The following ZNF441 variants were observed in gnomAD, a reference collection of about 807,000 sequenced individuals.
ZNF441 encodes zinc finger protein 441.
ZNF441 carries 25 observed loss-of-function variants against 64.5 expected under a neutral mutation model. The observed-to-expected ratio is 0.39, with a 90% CI of 0.28 to 0.54. ZNF441 has a LOEUF of 0.54. Ranked by LOEUF, ZNF441 falls within the 20% of genes least tolerant of loss-of-function variation. The probability of loss-of-function intolerance (pLI) is 0.70; values close to 1 mark genes in which losing one functional copy is unlikely to be tolerated. For missense variants in ZNF441, 715 were observed against 843.3 expected (o/e 0.85, Z 1.88); for synonymous variants, 262 against 268.0 (o/e 0.98, Z 0.22).
At chr19:11,768,164 C>T (rs1568478955) in intron 1 of ZNF441, among the ~76,000 whole-genome samples, 2 of 152,082 alleles carry the variant, frequency 1.3e-5, no homozygotes, top group African/African-American at 2.4e-5. Context: ...CTCCTAGGGC[C>T]GACAGAAAAT....
intron 2 of ZNF441, 24 bp from the exon 3 acceptor site, chr19:11,778,306 C>A: frequency 2.1e-6 from 3 of 1,443,372 alleles, no homozygotes; most frequent in South Asian, 2.6e-5. Context: ...AATTTATAGT[C>A]ATTTTTCTGG....
In ZNF441 at chr19:11,780,607, C is replaced by T. The variant is rs1439659883; in HGVS notation, c.783C>T (p.Phe261=). The T allele has an allele frequency of 1.2e-6, 2 of 1,613,858 alleles. No individual in the cohort carries two copies. The highest frequency in any genetic ancestry group is 2.7e-5 in the African/African-American group (2 of 74,878). ...AATGTAAACAATGTGGGAAAGCCTT[C>T]AGTTGTTCCTGTTACACTCAACTAT... ...PYQCKQCGKA[F]SCSCYTQLYE... is the part of the protein sequence containing the mutation. Residue 261 remains phenylalanine, a synonymous_variant, in exon 4 of 4, where the codon TTC becomes TTT. Transcript: ENST00000357901.
Position 11,781,875 on chromosome 19 carries a change from G to C in ZNF441, c.2051G>C (p.Ser684Thr). ...TGTGGGGAAGCATTTCATTGTATCA[G>C]TTCCTTTCATAAACATGAAATGACT... ...KECGEAFHCI[S>T]SFHKHEMTH Residue 684 changes from serine to threonine, a missense_variant, in exon 4 of 4, where the codon AGT becomes ACT. Ser to Thr is a moderately conservative substitution (Grantham distance 58). Coordinates refer to ENST00000357901, the MANE Select transcript of ZNF441 (RefSeq NM_152355.3). 1 of 1,598,028 alleles carries C rather than the reference G, an allele frequency of 6.3e-7. No homozygotes were observed. The highest frequency in any genetic ancestry group is 1.3e-5 in the African/African-American group (1 of 74,250).
intron 3 of ZNF441, among the ~76,000 whole-genome samples, 178 bp from the exon 4 acceptor site, chr19:11,779,841 G>T (rs1396198424): frequency 6.6e-6 from 1 of 151,832 alleles, no homozygotes; most frequent in African/African-American, 2.4e-5. Context: ...AGTCCGGGAG[G>T]TGGAGGTTGC....
At chr19:11,777,835 T>C (rs1975367360) in intron 2 of ZNF441, 98 bp downstream of exon 2, 13 of 1,458,956 alleles carry the variant, frequency 8.9e-6, no homozygotes, top group Middle Eastern at 2.0e-4. Context: ...GGGTATATAA[T>C]TGGCCCTTGA....
intron 1 of ZNF441, among the ~76,000 whole-genome samples, chr19:11,775,683 A>G (rs1164266961): frequency 1.5e-5 from 2 of 137,030 alleles, no homozygotes; most frequent in South Asian, 2.3e-4. Flanking sequence ...GCTGGAGTGC[A>G]GTGGCTCAAT....
At chr19:11,772,135 C>T (rs1474792767) in intron 1 of ZNF441, among the ~76,000 whole-genome samples, 4 of 152,212 alleles carry the variant, frequency 2.6e-5, no homozygotes, top group Non-Finnish European at 4.4e-5. Context: ...GAAGGGCCCC[C>T]GTCCAGTGGA....
At position 11,783,965 on chromosome 19, in the gene ZNF441, T is replaced by C. The variant is rs969822353; in HGVS notation, c.*2059T>C. ...TACTCAAGATCATGGATACCCCAAA[T>C]ACGCTGACTTGACCATTACACATTC... On this transcript the variant is annotated 3_prime_UTR_variant, in exon 4 of 4. Transcript: ENST00000357901. 6.6e-6 allele frequency: 1 copy of C among 152,210 alleles called. No homozygotes were observed. Among genetic ancestry groups the C allele is most frequent in the Non-Finnish European group, 1.5e-5 (1 of 68,034 alleles). 9.4% of individuals were successfully genotyped at this position (152,210 alleles called of 1,614,324 possible). A position where few individuals can be genotyped will look rare whatever the true frequency, so the allele number is the denominator to read the frequency against.
Position 11,783,542 on chromosome 19 carries a change from A to G in ZNF441, c.*1636A>G, listed in dbSNP as rs1462587294. On this transcript the variant is annotated 3_prime_UTR_variant, in exon 4 of 4. Coordinates refer to ENST00000357901, the MANE Select transcript of ZNF441 (RefSeq NM_152355.3). Reference sequence around the variant, plus strand: ...TTAACCTAAGCATCCATCAGTGGACACAGGGATAAAGAAAATGTTTATGTA... The same window carrying G: ...TTAACCTAAGCATCCATCAGTGGACGCAGGGATAAAGAAAATGTTTATGTA... The G allele has an allele frequency of 1.3e-5, 2 of 152,228 alleles. No individual in the cohort carries two copies. Among genetic ancestry groups the G allele is most frequent in the Non-Finnish European group, 2.9e-5 (2 of 68,038 alleles). 9.4% of individuals were successfully genotyped at this position (152,228 alleles called of 1,614,324 possible).
chr19:11,778,036 G>T, intron 2 of ZNF441: 1 of 403,980 alleles, frequency 2.5e-6, no homozygotes, highest in Non-Finnish European at 4.4e-6. Flanking sequence ...GGAAACCATA[G>T]GTAAGTGGAA....
At chr19:11,779,872 C>T (rs1025552306) in intron 3 of ZNF441, 147 bp from the exon 4 acceptor site, 1 of 702,656 alleles carries the variant, frequency 1.4e-6, no homozygotes, top group South Asian at 2.0e-5. Flanking sequence ...GATCACACCA[C>T]TACACTCCAG....
chr19:11,779,944 A>G, intron 3 of ZNF441, 75 bp from the exon 4 acceptor site: 8 of 1,247,018 alleles, frequency 6.4e-6, no homozygotes, highest in Non-Finnish European at 7.8e-6. Context: ...AAGAAAAGAA[A>G]TGTAAATCCA....
At position 11,781,146 on chromosome 19, in the gene ZNF441, A is replaced by C; in HGVS notation, c.1322A>C (p.His441Pro). Reference protein sequence around the residue: ...CTYLQIHERIHTGERPYKCKQ... With the variant: ...CTYLQIHERIPTGERPYKCKQ... The stretch of plus-strand genomic sequence containing the variant: ...TACCTTCAAATACATGAAAGAATTC[A>C]CACTGGGGAGAGACCCTATAAATGT... The change falls in exon 4 of 4, where the codon CAC (histidine) becomes CCC (proline). Residue 441 changes from histidine to proline, a missense_variant. Transcript: ENST00000357901. The C allele has an allele frequency of 1.2e-6, 2 of 1,614,102 alleles. No homozygotes were observed. Among genetic ancestry groups the C allele is most frequent in the Non-Finnish European group, 1.7e-6 (2 of 1,180,030 alleles).
At chr19:11,778,049 T>C in intron 2 of ZNF441, 1 of 419,218 alleles carries the variant, frequency 2.4e-6, no homozygotes, top group South Asian at 3.6e-5. Flanking sequence ...AAGTGGAACA[T>C]TATTTAGTAT....
chr19:11,775,881 G>A (rs1435573572), intron 1 of ZNF441, among the ~76,000 whole-genome samples: 1 of 152,036 alleles, frequency 6.6e-6, no homozygotes, highest in Non-Finnish European at 1.5e-5. Context: ...ACCTGCCTCA[G>A]CCTCCCAAAG....
intron 1 of ZNF441, among the ~76,000 whole-genome samples, chr19:11,772,106 G>T (rs984481015): frequency 7.9e-5 from 12 of 152,176 alleles, no homozygotes; most frequent in African/African-American, 2.9e-4. Context: ...CTCCCTCTCT[G>T]CCTTGGCTGC....
Position 11,767,961 on chromosome 19 carries a change from G to C in ZNF441, c.3+765G>C, listed in dbSNP as rs1194558505. Among the ~76,000 whole-genome samples the C allele has an allele frequency of 1.3e-5, 2 of 152,178 alleles. No homozygotes were observed. The highest frequency in any genetic ancestry group is 2.4e-5 in the African/African-American group (1 of 41,438). On this transcript the variant is annotated intron_variant, in intron 1 of 3. Coordinates refer to ENST00000357901, the MANE Select transcript of ZNF441 (RefSeq NM_152355.3). The surrounding 1 kb of genome is among the most constrained non-coding windows in gnomAD (Gnocchi z 5.1). ...GCCTGGCTCGCAGTTCTGTGAACCC[G>C]GTGAGGAGGCTGCACGGTGATGACA...
At position 11,781,954 on chromosome 19, in the gene ZNF441, T is replaced by G. The variant is rs1157022246; in HGVS notation, c.*48T>G. 1 of 1,438,518 alleles carries G rather than the reference T, an allele frequency of 7.0e-7. No homozygotes were observed. The highest frequency in any genetic ancestry group is 1.5e-5 in the South Asian group (1 of 66,644). The allele number at this position is 1,438,518 out of a possible 1,614,324, so 89.1% of individuals were successfully genotyped here. On this transcript the variant is annotated 3_prime_UTR_variant, in exon 4 of 4. Transcript: ENST00000357901. ...ACATGTGAGAAAGCCTTAAGTACTT[T>G]CAGCTTCTTACAAATACATAAGAGA...
chr19:11,778,302 T>C (rs992367279), intron 2 of ZNF441, 28 bp from the exon 3 acceptor site: 1 of 1,391,306 alleles, frequency 7.2e-7, no homozygotes, highest in Non-Finnish European at 9.9e-7. Context: ...TAATAATTTA[T>C]AGTCATTTTT....
Sources: allele counts gnomAD v4.1 joint callset (sites outside exome capture counted in the v4.1 genomes callset), GRCh38; gene constraint gnomAD v4.1.1; non-coding constraint Gnocchi (gnomAD v3.1); transcripts MANE v1.5; gene names NCBI Gene and HGNC (gene_info 2026-07-23, HGNC 2026-07-21).